NCKAP5: variants seen among roughly 807,000 people sequenced by gnomAD.
NCKAP5 encodes nck-associated protein 5.
NCKAP5 carries 92 observed loss-of-function variants against 167.0 expected under a neutral mutation model. The observed-to-expected ratio is 0.55, with a 90% CI of 0.47 to 0.66. The LOEUF is 0.66. Among genes scored for constraint, NCKAP5 ranks in the 30% least tolerant of loss-of-function variants. The probability of loss-of-function intolerance (pLI) is 0.00; values close to 1 mark genes in which losing one functional copy is unlikely to be tolerated. For missense variants in NCKAP5, 2,378 were observed against 2,315.0 expected (o/e 1.03, Z -0.56); for synonymous variants, 891 against 877.4 (o/e 1.02, Z -0.27).
chr2:132,733,900 C>A (rs924473086), intron 16 of NCKAP5, among the ~76,000 whole-genome samples: 2 of 152,158 alleles, frequency 1.3e-5, no homozygotes, highest in Non-Finnish European at 2.9e-5. Context: ...GAAGTCCCTA[C>A]TCAAGAGGCT....
intron 16 of NCKAP5, among the ~76,000 whole-genome samples, chr2:132,765,308 C>CTTTTTTT (rs1170247644): frequency 5.1e-4 from 58 of 114,290 alleles, no homozygotes; most frequent in East Asian, 1.0e-3. Flanking sequence ...TTCTTTCTTT[C>CTTTTTTT]TTTTTTTTTT....
At chr2:133,537,643 G>A (rs571866703) in intron 2 of NCKAP5, among the ~76,000 whole-genome samples, 38 of 151,970 alleles carry the variant, frequency 2.5e-4, no homozygotes, top group South Asian at 1.9e-3. Context: ...AAACTAGTTC[G>A]TATTTCCTTC....
intron 11 of NCKAP5, among the ~76,000 whole-genome samples, chr2:132,822,868 A>G (rs1686856770): frequency 6.6e-6 from 1 of 152,216 alleles, no homozygotes; most frequent in Admixed American, 6.5e-5. Context: ...AAACAATCAC[A>G]ACTTCTGGAA....
rs140148698 is a variant in NCKAP5 at position 132,865,003 on chromosome 2, G to A, written c.687+3933C>T. 9.2e-3 allele frequency among the ~76,000 whole-genome samples: 1,396 copies of A among 152,116 alleles called. 22 individuals carry two copies. The highest frequency in any genetic ancestry group is 0.032 in the African/African-American group (1,331 of 41,496). On this transcript the variant is annotated intron_variant, in intron 10 of 19. Coordinates refer to ENST00000409261, the MANE Select transcript of NCKAP5 (RefSeq NM_207363.3). ...CTAGCTTCATGGGATGTCTTTTCGA[G>A]TGCTGCTTTGTTCCCTCCCTGAAGC...
At chr2:133,436,795 A>C (rs994925434) in intron 3 of NCKAP5, among the ~76,000 whole-genome samples, 1 of 152,126 alleles carries the variant, frequency 6.6e-6, no homozygotes, top group African/African-American at 2.4e-5. Flanking sequence ...CATCACGTGT[A>C]TGTTAACATG....
intron 3 of NCKAP5, among the ~76,000 whole-genome samples, chr2:133,382,900 A>G (rs576368180): frequency 6.6e-6 from 1 of 152,248 alleles, no homozygotes; most frequent in African/African-American, 2.4e-5. Flanking sequence ...GTGTCTTACC[A>G]AAGGCAACAC....
intron 3 of NCKAP5, among the ~76,000 whole-genome samples, chr2:133,393,403 T>G (rs1687545609): frequency 6.6e-6 from 1 of 152,242 alleles, no homozygotes; most frequent in African/African-American, 2.4e-5. Flanking sequence ...CACACCTGCC[T>G]GGTAGCCATC....
the NCKAP5 span, among the ~76,000 whole-genome samples, chr2:133,609,609 T>C: frequency 6.6e-6 from 1 of 152,138 alleles, no homozygotes; most frequent in Non-Finnish European, 1.5e-5. Context: ...GTTGAGCTTG[T>C]GGCCAGTCTT....
At chr2:132,818,463 G>A (rs1302551485) in intron 11 of NCKAP5, among the ~76,000 whole-genome samples, 1 of 152,200 alleles carries the variant, frequency 6.6e-6, no homozygotes, top group East Asian at 1.9e-4. Context: ...ATCAACTGAG[G>A]TCAGGGGTTT....
At chr2:133,049,167 G>C (rs1316115117) in intron 6 of NCKAP5, among the ~76,000 whole-genome samples, 1 of 152,158 alleles carries the variant, frequency 6.6e-6, no homozygotes, top group Non-Finnish European at 1.5e-5. Flanking sequence ...TGTAATCACT[G>C]TACTTGCTGC....
chr2:133,373,356 G>A (rs895541949), intron 3 of NCKAP5, among the ~76,000 whole-genome samples: 1 of 152,060 alleles, frequency 6.6e-6, no homozygotes, highest in African/African-American at 2.4e-5. Context: ...ACCACGCCTG[G>A]CCAATATATA....
chr2:133,044,652 T>C (rs1353020681), intron 6 of NCKAP5, among the ~76,000 whole-genome samples: 1 of 152,184 alleles, frequency 6.6e-6, no homozygotes, highest in Non-Finnish European at 1.5e-5. Context: ...GCAACCATTC[T>C]GGAGAGAAAT....
chr2:132,682,895 T>C (rs1287875464), intron 19 of NCKAP5, among the ~76,000 whole-genome samples: 1 of 151,710 alleles, frequency 6.6e-6, no homozygotes, highest in Middle Eastern at 3.2e-3. Context: ...TACTTTTTTT[T>C]TTTTTTTGAG....
At chr2:133,442,032 AC>A (rs1182986387) in intron 3 of NCKAP5, among the ~76,000 whole-genome samples, 1 of 152,202 alleles carries the variant, frequency 6.6e-6, no homozygotes, top group African/African-American at 2.4e-5. Flanking sequence ...AACAAAAAAG[AC>A]CCACTGGAGA....
chr2:132,713,339 C>A (rs1317089848), intron 19 of NCKAP5, among the ~76,000 whole-genome samples: 1 of 152,000 alleles, frequency 6.6e-6, no homozygotes, highest in East Asian at 1.9e-4. Flanking sequence ...CTAGTCACTA[C>A]AGCATTTGTT....
chr2:133,427,686 T>C (rs899257688), intron 3 of NCKAP5, among the ~76,000 whole-genome samples: 2 of 152,130 alleles, frequency 1.3e-5, no homozygotes, highest in African/African-American at 4.8e-5. Flanking sequence ...CACAATGCAA[T>C]GTGAGAAAAT....
At chr2:133,311,964 C>T (rs1260389573) in intron 3 of NCKAP5, among the ~76,000 whole-genome samples, 4 of 152,100 alleles carry the variant, frequency 2.6e-5, no homozygotes, top group South Asian at 2.1e-4. Flanking sequence ...AAAATAAGTG[C>T]GTTTTTCTAA....
chr2:133,140,790 T>C (rs568162816), intron 5 of NCKAP5, among the ~76,000 whole-genome samples: 2 of 148,944 alleles, frequency 1.3e-5, no homozygotes, highest in East Asian at 3.9e-4. Flanking sequence ...TAATAAATTA[T>C]ATTAACATTA....
intron 3 of NCKAP5, among the ~76,000 whole-genome samples, chr2:133,397,279 T>C (rs1687790597): frequency 6.6e-6 from 1 of 152,346 alleles, no homozygotes; most frequent in East Asian, 1.9e-4. Flanking sequence ...TAAATCAATC[T>C]TTCTTATGGC....
Sources: allele counts gnomAD v4.1 joint callset (sites outside exome capture counted in the v4.1 genomes callset), GRCh38; gene constraint gnomAD v4.1.1; transcripts MANE v1.5; gene names NCBI Gene and HGNC (gene_info 2026-07-23, HGNC 2026-07-21).